Variants in SKAP2 observed in about 807,000 individuals in gnomAD.
SKAP2 encodes src kinase associated phosphoprotein 2, also known as src kinase-associated phosphoprotein 2.
SKAP2 carries 28 observed loss-of-function variants against 54.9 expected under a neutral mutation model. The observed-to-expected ratio is 0.51, with a 90% confidence interval of 0.38 to 0.70. The LOEUF is 0.70. Ranked by LOEUF, SKAP2 falls within the 30% of genes least tolerant of loss-of-function variation. The pLI, the probability that SKAP2 is intolerant of heterozygous loss-of-function variation, is 0.00. For synonymous variants in SKAP2, 137 were observed against 134.3 expected, an observed-to-expected ratio of 1.02 and a Z score of -0.14; for missense variants, 356 against 424.1, an observed-to-expected ratio of 0.84 and a Z score of 1.41.
intron 1 of SKAP2, chr7:26,858,080 C>T (rs1785210562): frequency 6.6e-6 from 1 of 152,196 alleles, no homozygotes; most frequent in Admixed American, 6.5e-5. Context: ...GGCAGGGGCT[C>T]AACTCACACT....
At chr7:26,741,796 T>C (rs1435545050) in intron 4 of SKAP2, among the ~76,000 whole-genome samples, 3 of 151,654 alleles carry the variant, frequency 2.0e-5, no homozygotes, top group Non-Finnish European at 2.9e-5. Flanking sequence ...GTTTATTATT[T>C]ACAAACTCAT....
At chr7:26,747,537 T>C (rs1782583417) in intron 4 of SKAP2, among the ~76,000 whole-genome samples, 1 of 151,548 alleles carries the variant, frequency 6.6e-6, no homozygotes, top group Non-Finnish European at 1.5e-5. Flanking sequence ...CAAATTTGCC[T>C]TTATTAACTC....
At chr7:26,691,328 C>T (rs1786775180) in intron 9 of SKAP2, among the ~76,000 whole-genome samples, 1 of 152,056 alleles carries the variant, frequency 6.6e-6, no homozygotes, top group East Asian at 1.9e-4. Context: ...ATGATTTTTC[C>T]TCACCTAAGG....
chr7:26,696,325 G>A (rs1038478580), intron 9 of SKAP2, among the ~76,000 whole-genome samples: 2 of 152,154 alleles, frequency 1.3e-5, no homozygotes, highest in Non-Finnish European at 2.9e-5. Context: ...CATAGTTAGA[G>A]TCATGTTTAC....
chr7:26,811,056 C>T (rs1034701832), intron 4 of SKAP2, among the ~76,000 whole-genome samples: 2 of 152,036 alleles, frequency 1.3e-5, no homozygotes, highest in Admixed American at 1.3e-4. Context: ...AGTAGTTTGA[C>T]CAGTCACAAA....
intron 4 of SKAP2, among the ~76,000 whole-genome samples, chr7:26,831,953 C>A (rs948485127): frequency 6.6e-6 from 1 of 152,148 alleles, no homozygotes; most frequent in African/African-American, 2.4e-5. Context: ...AAACTATGGT[C>A]ATTTCCAGCT....
At chr7:26,765,378 T>C (rs4468705) in intron 4 of SKAP2, among the ~76,000 whole-genome samples, 70,673 of 151,924 alleles carry the variant, frequency 0.47, 17,367 homozygotes, top group African/African-American at 0.6. Context: ...ATTAGCCCCC[T>C]GTCAGATGGA....
intron 4 of SKAP2, among the ~76,000 whole-genome samples, chr7:26,824,923 G>A (rs1244200981): frequency 2.0e-5 from 3 of 152,062 alleles, no homozygotes; most frequent in Non-Finnish European, 4.4e-5. Context: ...TATGTTGGTG[G>A]ATGTTTTCAG....
At position 26,690,367 on chromosome 7, in the gene SKAP2, AAATAAACATTATC is replaced by A. The variant is rs774185544; in HGVS notation, c.797-18_797-6del. ...GAGCACTGTCCTCTTCTTCTTCTGT[AAATAAACATTATC>A]AATGGCACATTGAAGGGTTTTCTCA... On this transcript the variant is annotated splice_polypyrimidine_tract_variant and splice_region_variant and intron_variant, in intron 9 of 12. Coordinates refer to ENST00000345317, the MANE Select transcript of SKAP2 (RefSeq NM_003930.5). 6.3e-7 allele frequency: 1 copy of A among 1,597,002 alleles called. No individual in the cohort carries two copies. The highest frequency in any genetic ancestry group is 8.6e-7 in the Non-Finnish European group (1 of 1,164,608).
At chr7:26,684,163 C>CAT (rs111915378) in intron 11 of SKAP2, among the ~76,000 whole-genome samples, 23 of 151,706 alleles carry the variant, frequency 1.5e-4, no homozygotes, top group South Asian at 4.2e-4. Flanking sequence ...CACACATATA[C>CAT]ATATATATAT....
intron 6 of SKAP2, among the ~76,000 whole-genome samples, chr7:26,734,399 A>C (rs1787881664): frequency 6.6e-6 from 1 of 152,142 alleles, no homozygotes; most frequent in Non-Finnish European, 1.5e-5. Flanking sequence ...ATTTAGCCTT[A>C]CGTGCTCCCT....
At chr7:26,785,269 C>T (rs936537867) in intron 4 of SKAP2, among the ~76,000 whole-genome samples, 6 of 152,074 alleles carry the variant, frequency 3.9e-5, no homozygotes, top group Non-Finnish European at 5.9e-5. Context: ...TCACTGCAAG[C>T]TCCACCTCCT....
chr7:26,723,380 G>A (rs1438336933), intron 9 of SKAP2, among the ~76,000 whole-genome samples: 1 of 152,036 alleles, frequency 6.6e-6, no homozygotes, highest in Non-Finnish European at 1.5e-5. Context: ...CTTCCTTCCC[G>A]GGGCACAGGT....
chr7:26,854,631 G>A (rs999550609), intron 2 of SKAP2, among the ~76,000 whole-genome samples, 154 bp downstream of exon 2: 1 of 151,942 alleles, frequency 6.6e-6, no homozygotes, highest in Non-Finnish European at 1.5e-5. Context: ...AAACTATATA[G>A]TGGAAATATA....
At chr7:26,667,017 G>C (rs1440271845), downstream of SKAP2, 1 of 152,152 alleles carries the variant, frequency 6.6e-6, no homozygotes. Context: ...TCATAACAAA[G>C]TAATTTCATT....
intron 4 of SKAP2, among the ~76,000 whole-genome samples, chr7:26,832,235 C>T (rs1039138903): frequency 9.2e-5 from 14 of 152,164 alleles, no homozygotes; most frequent in African/African-American, 3.4e-4. Flanking sequence ...CCCAAAACAA[C>T]ACTGTAGTCC....
chr7:26,864,250 A>T, intron 1 of SKAP2, 113 bp downstream of exon 1: 1 of 1,292,844 alleles, frequency 7.7e-7, no homozygotes, highest in Admixed American at 1.9e-5. Flanking sequence ...TGGCTAGAAG[A>T]CGTGGGAAGC....
chr7:26,730,268 T>C (rs1489325436), intron 6 of SKAP2, among the ~76,000 whole-genome samples: 3 of 152,208 alleles, frequency 2.0e-5, no homozygotes, highest in African/African-American at 7.2e-5. Flanking sequence ...TGGGATAGTT[T>C]CAAGGATACC....
At chr7:26,762,220 G>T (rs894546464) in intron 4 of SKAP2, among the ~76,000 whole-genome samples, 1 of 151,974 alleles carries the variant, frequency 6.6e-6, no homozygotes, top group Non-Finnish European at 1.5e-5. Context: ...AGTGAGTTGT[G>T]AACGTACCAC....
Sources: gnomAD v4.1 joint callset for allele counts (sites outside exome capture counted in the v4.1 genomes callset) on GRCh38, gnomAD v4.1.1 for gene constraint, MANE v1.5 for transcripts, NCBI Gene and HGNC (gene_info 2026-07-23, HGNC 2026-07-21) for gene names.